Variants in TRAM1 observed in about 807,000 individuals in gnomAD.
TRAM1 encodes the protein translocating chain-associated membrane protein 1.
In TRAM1, 17 loss-of-function variants were observed where a neutral mutation model predicts 48.7. That is an observed-to-expected ratio of 0.35 (90% CI 0.24 to 0.52). The LOEUF (loss-of-function observed/expected upper bound fraction) is 0.52, where lower values mean the gene tolerates loss of function less well. Ranked by LOEUF, TRAM1 falls within the 20% of genes least tolerant of loss-of-function variation. TRAM1 has a pLI of 0.94. For synonymous variants in TRAM1, 182 were observed against 154.0 expected (o/e 1.18, Z -1.34); for missense variants, 351 against 441.5 (o/e 0.79, Z 1.84).
intron 6 of TRAM1, among the ~76,000 whole-genome samples, chr8:70,591,486 G>T (rs962667175): frequency 1.3e-5 from 2 of 152,148 alleles, no homozygotes; most frequent in Non-Finnish European, 2.9e-5. Flanking sequence ...TGGGGGAAGG[G>T]AGAGAACAGA....
chr8:70,574,361 G>C lies in TRAM1; in HGVS notation c.*571C>G, dbSNP rs912433992. ...TATTATGTTTTTGTTTTTAAAATGG[G>C]GATGTAATACTAATAACCACTACCT... On this transcript the variant is annotated 3_prime_UTR_variant, in exon 11 of 11. Coordinates refer to ENST00000262213, the MANE Select transcript of TRAM1 (RefSeq NM_014294.6). The C allele has an allele frequency of 1.8e-5, 5 of 281,210 alleles. No homozygotes were observed. Among genetic ancestry groups the C allele is most frequent in the Non-Finnish European group, 3.5e-5 (5 of 144,472 alleles). The allele number at this position is 281,210 out of a possible 1,614,324, so 17.4% of individuals were successfully genotyped here.
Position 70,583,331 on chromosome 8 carries a change from A to C in TRAM1, c.891-7T>G, listed in dbSNP as rs558790195. ...GGATGCCAGAACAGCGATTCTAAGAAATATTAAGACATAAAAAGTTAGTGT... is the reference window on the plus strand; with the variant it reads ...GGATGCCAGAACAGCGATTCTAAGACATATTAAGACATAAAAAGTTAGTGT... On this transcript the variant is annotated splice_polypyrimidine_tract_variant and splice_region_variant and intron_variant, in intron 9 of 10. Transcript: ENST00000262213. The C allele has an allele frequency of 6.2e-7, 1 of 1,612,276 alleles. No homozygotes were observed. The highest frequency in any genetic ancestry group is 1.1e-5 in the South Asian group (1 of 90,654).
At chr8:70,587,965 C>T (rs533068562) in intron 6 of TRAM1, among the ~76,000 whole-genome samples, 2 of 152,162 alleles carry the variant, frequency 1.3e-5, no homozygotes, top group South Asian at 4.2e-4. Flanking sequence ...GCCTATAATC[C>T]CAGCACTCTG....
intron 5 of TRAM1, 22 bp downstream of exon 5, chr8:70,596,241 A>T (rs765570707): frequency 2.6e-6 from 4 of 1,556,772 alleles, no homozygotes; most frequent in Non-Finnish European, 3.5e-6. Context: ...TAACAAAGAA[A>T]GGGCTGCTAA....
At position 70,608,104 on chromosome 8, in the gene TRAM1, C is replaced by T; in HGVS notation, c.96G>A (p.Met32Ile). 1 of 1,597,680 alleles carries T rather than the reference C, an allele frequency of 6.3e-7. No individual in the cohort carries two copies. The highest frequency in any genetic ancestry group is 8.5e-7 in the Non-Finnish European group (1 of 1,173,112). Residue 32 changes from methionine (M) to isoleucine (I), a missense_variant, in exon 1 of 11, where the codon ATG (methionine) becomes ATA (isoleucine). Transcript: ENST00000262213. Reference protein sequence around the residue: ...NHADIVSCVAMVFLLGLMFEI... With the variant: ...NHADIVSCVAIVFLLGLMFEI... The stretch of plus-strand genomic sequence containing the variant: ...CAAACATGAGCCCCAGCAGGAAGAC[C>T]ATCGCCACACAGGAGACGATGTCCG...
chr8:70,579,463 C>A (rs1397144811), intron 10 of TRAM1, among the ~76,000 whole-genome samples: 1 of 152,190 alleles, frequency 6.6e-6, no homozygotes, highest in African/African-American at 2.4e-5. Flanking sequence ...TTTGAAACTA[C>A]CCCTGGTTTC....
At chr8:70,595,089 T>A in intron 5 of TRAM1, among the ~76,000 whole-genome samples, 1 of 150,698 alleles carries the variant, frequency 6.6e-6, no homozygotes, top group African/African-American at 2.4e-5. Context: ...GGTTGGAACA[T>A]GGAGAAAGCC....
Position 70,608,145 on chromosome 8 carries a change from C to A in TRAM1, c.55G>T (p.Val19Phe). The A allele has an allele frequency of 6.3e-7, 1 of 1,599,888 alleles. No individual in the cohort carries two copies. Among genetic ancestry groups the A allele is most frequent in the Non-Finnish European group, 8.5e-7 (1 of 1,174,050 alleles). ...ACGATGTCCGCGTGATTCTGCAGGA[C>A]GAATTCGTGGCTCAGCACTGGGGGG... The part of the protein sequence containing the change: ...KSPPVLSHEF[V>F]LQNHADIVSC... Residue 19 changes from valine (V) to phenylalanine (F), a missense_variant, in exon 1 of 11, where the codon GTC becomes TTC. Transcript: ENST00000262213.
chr8:70,604,742 G>A (rs1483373750), intron 1 of TRAM1, among the ~76,000 whole-genome samples: 1 of 151,872 alleles, frequency 6.6e-6, no homozygotes, highest in Non-Finnish European at 1.5e-5. Flanking sequence ...TAAAGAACTT[G>A]CAGATTTTGA....
chr8:70,581,322 T>C (rs968717579), intron 10 of TRAM1, among the ~76,000 whole-genome samples: 1 of 152,230 alleles, frequency 6.6e-6, no homozygotes, highest in Non-Finnish European at 1.5e-5. Flanking sequence ...CAAAACTTAC[T>C]ACAAAGCTAC....
At chr8:70,593,837 G>C (rs1159050650) in intron 6 of TRAM1, among the ~76,000 whole-genome samples, 3 of 152,068 alleles carry the variant, frequency 2.0e-5, no homozygotes, top group Non-Finnish European at 4.4e-5. Context: ...GTAATAGGGA[G>C]CCAATACAGG....
At chr8:70,600,267 T>TACTC (rs1476143723) in intron 1 of TRAM1, among the ~76,000 whole-genome samples, 185 bp from the exon 2 acceptor site, 2 of 152,132 alleles carry the variant, frequency 1.3e-5, no homozygotes, top group African/African-American at 4.8e-5. Context: ...TTCACTAGAG[T>TACTC]ACTCTTCTGC....
rs545179807 is a variant in TRAM1 at position 70,581,869 on chromosome 8, T to C, written c.1051+1295A>G. ...AGCATTATCCATTTGCAAAACCACA[T>C]ATCACATGGTTCTGTTTACATGAAA... On this transcript the variant is annotated intron_variant, in intron 10 of 10. Transcript: ENST00000262213. Among the ~76,000 whole-genome samples, 314 of 152,266 alleles carry C rather than the reference T, an allele frequency of 2.1e-3. 1 individual carries two copies. The highest frequency in any genetic ancestry group is 7.2e-3 in the African/African-American group (299 of 41,548).
chr8:70,591,549 C>T (rs2132035602), intron 6 of TRAM1, among the ~76,000 whole-genome samples: 1 of 152,128 alleles, frequency 6.6e-6, no homozygotes, highest in East Asian at 1.9e-4. Context: ...ACTTCAAGTG[C>T]CATTTTCAGT....
At chr8:70,606,994 T>A in intron 1 of TRAM1, 1 of 947,452 alleles carries the variant, frequency 1.1e-6, no homozygotes, top group Non-Finnish European at 1.3e-6. Flanking sequence ...AAATACAGAC[T>A]CGTAAAAATA....
chr8:70,589,202 A>C (rs1563384923), intron 6 of TRAM1, among the ~76,000 whole-genome samples: 1 of 152,224 alleles, frequency 6.6e-6, no homozygotes, highest in Non-Finnish European at 1.5e-5. Context: ...AGGAAAATTG[A>C]TACCAAGTTT....
chr8:70,575,071 G>T, intron 10 of TRAM1, 66 bp from the exon 11 acceptor site: 2 of 1,118,474 alleles, frequency 1.8e-6, no homozygotes, highest in Non-Finnish European at 2.6e-6. Context: ...ATCTTTATAT[G>T]TAAAGATACC....
chr8:70,602,885 C>T (rs1242705031), intron 1 of TRAM1, among the ~76,000 whole-genome samples: 1 of 152,144 alleles, frequency 6.6e-6, no homozygotes, highest in Non-Finnish European at 1.5e-5. Context: ...ACCACAAAAG[C>T]TTGGACTAGG....
chr8:70,606,888 T>C (rs1586769499), intron 1 of TRAM1: 1 of 985,210 alleles, frequency 1.0e-6, no homozygotes, highest in South Asian at 4.7e-5. Context: ...TTTTGGTCAC[T>C]GGTAATATCA....
Sources: allele counts gnomAD v4.1 joint callset (sites outside exome capture counted in the v4.1 genomes callset), GRCh38; gene constraint gnomAD v4.1.1; transcripts MANE v1.5; gene names NCBI Gene and HGNC (gene_info 2026-07-23, HGNC 2026-07-21).